Variants in PIEZO2 observed in about 807,000 individuals in gnomAD.
PIEZO2 encodes piezo type mechanosensitive ion channel component 2.
A neutral mutation model predicts 337.3 loss-of-function variants in PIEZO2; 172 were observed. The observed-to-expected ratio is 0.51, with a 90% CI of 0.45 to 0.58. The LOEUF (loss-of-function observed/expected upper bound fraction) is 0.58, where lower values mean the gene tolerates loss of function less well. Among genes scored for constraint, PIEZO2 ranks in the 20% least tolerant of loss-of-function variants. PIEZO2 has a pLI of 0.00. For synonymous variants in PIEZO2, 1,251 were observed against 1,228.5 expected (o/e 1.02, Z -0.38); for missense variants, 3,028 against 3,391.3 (o/e 0.89, Z 2.66).
chr18:10,816,126 G>A (rs755619726), intron 7 of PIEZO2, among the ~76,000 whole-genome samples: 14 of 152,146 alleles, frequency 9.2e-5, no homozygotes, highest in Non-Finnish European at 1.8e-4. Context: ...TCACTGGGAG[G>A]AGCTTCCTTG....
rs140967214 is a variant in PIEZO2 at position 11,146,852 on chromosome 18, C to G, written c.64+1673G>C. Among the ~76,000 whole-genome samples the G allele has an allele frequency of 4.6e-5, 7 of 152,260 alleles. No homozygotes were observed. The highest frequency in any genetic ancestry group is 2.0e-4 in the Admixed American group (3 of 15,294). ...GGGGGATGGGGAAGAGGGTGTCCAT[C>G]CTCCAGGAACAGTGGCGAGGAGGAC... On this transcript the variant is annotated intron_variant, in intron 1 of 55. Transcript: ENST00000674853. This position sits in a 1 kb window ranked among gnomAD's most constrained non-coding sequence, Gnocchi z 6.1.
At chr18:11,053,624 A>T (rs1248222322) in intron 2 of PIEZO2, among the ~76,000 whole-genome samples, 1 of 152,174 alleles carries the variant, frequency 6.6e-6, no homozygotes, top group South Asian at 2.1e-4. Context: ...GCCTTTTTCC[A>T]TATTGCATCT....
intron 2 of PIEZO2, among the ~76,000 whole-genome samples, chr18:11,056,894 T>C (rs568971934): frequency 6.6e-6 from 1 of 152,340 alleles, no homozygotes; most frequent in East Asian, 1.9e-4. Context: ...GATTCTGAAA[T>C]TGTCCAGAGC....
At position 10,764,474 on chromosome 18, in the gene PIEZO2, T is replaced by C. The variant is rs1401298432; in HGVS notation, c.2947-1376A>G. 2.0e-5 allele frequency among the ~76,000 whole-genome samples: 3 copies of C among 151,852 alleles called. No individual in the cohort carries two copies. The East Asian group carries it at 5.9e-4, about 30-fold the overall frequency. On this transcript the variant is annotated intron_variant, in intron 21 of 55. Coordinates refer to ENST00000674853, the MANE Select transcript of PIEZO2 (RefSeq NM_001378183.1). ...GGCCAAGATGGTGAAACCCCGTCTC[T>C]ACTAAAAATACAAAAAATTAGCCGG...
At position 10,731,526 on chromosome 18, in the gene PIEZO2, A is replaced by G; in HGVS notation, c.4915-5T>C. The G allele has an allele frequency of 6.7e-7, 1 of 1,498,516 alleles. No homozygotes were observed. Among genetic ancestry groups the G allele is most frequent in the Admixed American group, 2.1e-5 (1 of 47,080 alleles). The allele number at this position is 1,498,516 out of a possible 1,614,324, so 92.8% of individuals were successfully genotyped here. Reference sequence around the variant, plus strand: ...AATCCAGGCTTGATAAACAAACTGAAGGGAGAAAGTTCAATTATTTTCTGG... The same window carrying G: ...AATCCAGGCTTGATAAACAAACTGAGGGGAGAAAGTTCAATTATTTTCTGG... On this transcript the variant is annotated splice_region_variant and splice_polypyrimidine_tract_variant and intron_variant, in intron 35 of 55. Transcript: ENST00000674853.
intron 2 of PIEZO2, among the ~76,000 whole-genome samples, chr18:11,061,713 C>T (rs2037966986): frequency 6.6e-6 from 1 of 151,988 alleles, no homozygotes; most frequent in Non-Finnish European, 1.5e-5. Flanking sequence ...CGTGAAGGAC[C>T]TCTTCAAGGA....
rs57159292 is a variant in PIEZO2 at position 10,825,550 on chromosome 18, C to CTTTTTTTTTTTTTT, written c.918-18290_918-18277dup. On this transcript the variant is annotated intron_variant, in intron 7 of 55. Coordinates refer to ENST00000674853, the MANE Select transcript of PIEZO2 (RefSeq NM_001378183.1). ...TTTTTCCACTTTCTTTCCTTTCTTCCTTTTTTTTTTTTTTTTTTGAGACAG... is the reference window on the plus strand; with the variant it reads ...TTTTTCCACTTTCTTTCCTTTCTTCCTTTTTTTTTTTTTTTTTTTTTTTTTTTTTTTTGAGACAG... Among the ~76,000 whole-genome samples the CTTTTTTTTTTTTTT allele has an allele frequency of 9.7e-4, 110 of 113,786 alleles. 1 individual carries two copies. Among genetic ancestry groups the CTTTTTTTTTTTTTT allele is most frequent in the Non-Finnish European group, 1.2e-3 (69 of 58,160 alleles). 74.6% of individuals were successfully genotyped at this position (113,786 alleles called of 152,430 possible).
intron 1 of PIEZO2, among the ~76,000 whole-genome samples, chr18:11,134,898 G>A (rs1453391453): frequency 6.6e-6 from 1 of 152,136 alleles, no homozygotes; most frequent in Admixed American, 6.6e-5. Context: ...GTGAAGAATG[G>A]AGAATCAAAA....
At position 10,979,475 on chromosome 18, in the gene PIEZO2, T is replaced by A; in HGVS notation, c.286+60A>T. 1 of 1,359,766 alleles carries A rather than the reference T, an allele frequency of 7.4e-7. No individual in the cohort carries two copies. The highest frequency in any genetic ancestry group is 9.6e-7 in the Non-Finnish European group (1 of 1,040,384). The allele number at this position is 1,359,766 out of a possible 1,614,324, so 84.2% of individuals were successfully genotyped here. On this transcript the variant is annotated intron_variant, in intron 3 of 55. Transcript: ENST00000674853. This position sits in a 1 kb window ranked among gnomAD's most constrained non-coding sequence, Gnocchi z 4.0. ...ATGTGTGCGATGACACACAGCTTTA[T>A]TATGCACGTATATAAAAGAAATAAA...
chr18:11,061,440 C>G (rs1450866192), intron 2 of PIEZO2, among the ~76,000 whole-genome samples: 10 of 150,914 alleles, frequency 6.6e-5, no homozygotes, highest in Non-Finnish European at 1.5e-4. Context: ...AAAGGGTATT[C>G]AATTAGGAAA....
intron 7 of PIEZO2, among the ~76,000 whole-genome samples, chr18:10,840,231 T>A (rs2041149418): frequency 6.6e-6 from 1 of 152,220 alleles, no homozygotes; most frequent in South Asian, 2.1e-4. Context: ...AATAAATGCA[T>A]GTTATTAATT....
chr18:10,705,477 A>G lies in PIEZO2; in HGVS notation c.5858T>C (p.Leu1953Pro). The change falls in exon 41 of 56, where the codon CTG (leucine) becomes CCG (proline). Residue 1953 changes from leucine to proline, a missense_variant. Around this residue, in one of 5 missense-constraint regions of PIEZO2, gnomAD observed 1,925 missense variants for 2,051.9 expected, o/e 0.94. Transcript: ENST00000674853. ...AGAGTCGTCCTGCGAGCCGAAGGACAGATGCTCGAAGCTCACAGCCTTGCT... is the reference window on the plus strand; with the variant it reads ...AGAGTCGTCCTGCGAGCCGAAGGACGGATGCTCGAAGCTCACAGCCTTGCT... ...SYSKAVSFEH[L>P]SFGSQDDSAG... The G allele has an allele frequency of 6.5e-7, 1 of 1,537,264 alleles. No homozygotes were observed. The highest frequency in any genetic ancestry group is 8.7e-7 in the Non-Finnish European group (1 of 1,146,906).
intron 2 of PIEZO2, among the ~76,000 whole-genome samples, chr18:10,981,830 T>C (rs2034678620): frequency 6.6e-6 from 1 of 152,192 alleles, no homozygotes; most frequent in African/African-American, 2.4e-5. Flanking sequence ...CTTTCTCCTG[T>C]GCTGGATGCT....
At chr18:10,965,344 T>C (rs1401330460) in intron 3 of PIEZO2, among the ~76,000 whole-genome samples, 1 of 152,242 alleles carries the variant, frequency 6.6e-6, no homozygotes, top group African/African-American at 2.4e-5. Context: ...GCCATCTTAT[T>C]GAGTGTAACA....
rs973818869 is a variant in PIEZO2, at chr18:11,038,416, G to A, written c.160+27711C>T. 2.0e-5 allele frequency among the ~76,000 whole-genome samples: 3 copies of A among 152,142 alleles called. No homozygotes were observed. The highest frequency in any genetic ancestry group is 4.4e-5 in the Non-Finnish European group (3 of 68,028). On this transcript the variant is annotated intron_variant, in intron 2 of 55. Coordinates refer to ENST00000674853, the MANE Select transcript of PIEZO2 (RefSeq NM_001378183.1). This position sits in a 1 kb window ranked among gnomAD's most constrained non-coding sequence, Gnocchi z 4.1. ...TAAAAGGTAACCATTCCCATGCCAA[G>A]TGTAAGCCGGAGGCCCTTATTTAAG...
At chr18:11,095,825 A>G (rs1436329532) in intron 1 of PIEZO2, among the ~76,000 whole-genome samples, 1 of 152,240 alleles carries the variant, frequency 6.6e-6, no homozygotes, top group Non-Finnish European at 1.5e-5. Flanking sequence ...AGAGATAGAA[A>G]TGAATCAGTT....
chr18:11,024,440 G>A (rs1244367987), intron 2 of PIEZO2, among the ~76,000 whole-genome samples: 1 of 150,850 alleles, frequency 6.6e-6, no homozygotes, highest in East Asian at 2.0e-4. Context: ...CAGCTACTCA[G>A]GAGGCTGAGG....
rs886039822 is a variant in PIEZO2 at position 10,736,621 on chromosome 18, G to C, written c.4798C>G (p.Arg1600Gly). ...ATAATTACCTGGAATGCTGACCTTC[G>C]TGGAGGTTCTTCATCTTCCTTCTTT... Reference protein sequence around the residue: ...ELKKEDEEPPRRSAFQRAIGK... With the variant: ...ELKKEDEEPPGRSAFQRAIGK... The change falls in exon 34 of 56, where the codon CGA becomes GGA. Residue 1600 changes from arginine (R) to glycine (G), a missense_variant. Physicochemically the swap from Arg to Gly is moderately radical, Grantham distance 125. This residue lies in a region of PIEZO2 where 1,925 missense variants were observed against 2,051.9 expected (regional missense o/e 0.94). Coordinates refer to ENST00000674853, the MANE Select transcript of PIEZO2 (RefSeq NM_001378183.1). 5 of 1,537,130 alleles carry C rather than the reference G, an allele frequency of 3.3e-6. No individual in the cohort carries two copies. Among genetic ancestry groups the C allele is most frequent in the Non-Finnish European group, 4.4e-6 (5 of 1,146,866 alleles).
Position 10,828,140 on chromosome 18 carries a change from G to GT in PIEZO2, c.918-20867dup, listed in dbSNP as rs10718341. Among the ~76,000 whole-genome samples the GT allele has an allele frequency of 2.7e-3, 385 of 141,038 alleles. 2 individuals carry two copies. The highest frequency in any genetic ancestry group is 7.0e-3 in the African/African-American group (267 of 38,042). 92.5% of individuals were successfully genotyped at this position (141,038 alleles called of 152,430 possible). A position where few individuals can be genotyped will look rare whatever the true frequency, so the allele number is the denominator to read the frequency against. ...GGTTTTTTTTTGTTTGTTTGTTTTT[G>GT]TTTTTTTTTTTTTTTACAGTAAAAC... On this transcript the variant is annotated intron_variant, in intron 7 of 55. Coordinates refer to ENST00000674853, the MANE Select transcript of PIEZO2 (RefSeq NM_001378183.1). The surrounding 1 kb of genome is among the most constrained non-coding windows in gnomAD (Gnocchi z 4.1).
Sources: gnomAD v4.1 joint callset for allele counts (sites outside exome capture counted in the v4.1 genomes callset) on GRCh38, gnomAD v4.1.1 for gene constraint, gnomAD v4.1.1 regional missense constraint, Gnocchi (gnomAD v3.1) non-coding constraint, MANE v1.5 for transcripts, NCBI Gene and HGNC (gene_info 2026-07-23, HGNC 2026-07-21) for gene names.